Variants in HLTF observed in about 807,000 individuals in gnomAD.
HLTF encodes DNA-dependent ATPase/E3 ubiquitin-protein ligase HLTF.
HLTF carries 127 observed loss-of-function variants against 129.4 expected under a neutral mutation model. The ratio of observed to expected loss-of-function variants is 0.98; its 90% CI spans 0.85 to 1.14. The LOEUF is 1.14. HLTF is among the 50% of genes most tolerant of loss of function. The pLI, the probability that HLTF is intolerant of heterozygous loss-of-function variation, is 0.00. For synonymous variants in HLTF, 332 were observed against 388.8 expected (o/e 0.85, Z 1.72); for missense variants, 1,139 against 1,187.1 (o/e 0.96, Z 0.60).
intron 13 of HLTF, among the ~76,000 whole-genome samples, chr3:149,057,541 T>C (rs1717577618): frequency 6.6e-6 from 1 of 152,200 alleles, no homozygotes; most frequent in Non-Finnish European, 1.5e-5. Context: ...GGGACTTGAG[T>C]ATGCGCACAT....
chr3:149,060,932 A>C (rs1576602473), intron 10 of HLTF, 74 bp from the exon 11 acceptor site: 2 of 995,230 alleles, frequency 2.0e-6, no homozygotes, highest in East Asian at 5.2e-5. Context: ...ATGTTTAATA[A>C]ATGCAATAAA....
chr3:149,064,675 A>T, intron 9 of HLTF, 116 bp downstream of exon 9: 1 of 711,998 alleles, frequency 1.4e-6, no homozygotes, highest in East Asian at 2.6e-5. Context: ...TGTACAGTAC[A>T]AAGCCAAAAC....
rs1715064282 is a variant in HLTF, at chr3:149,031,679, A to T, written c.*541T>A. The T allele has an allele frequency of 6.6e-6, 1 of 152,214 alleles. No individual in the cohort carries two copies. Among genetic ancestry groups the T allele is most frequent in the Non-Finnish European group, 1.5e-5 (1 of 68,014 alleles). The allele number at this position is 152,214 out of a possible 1,614,324, so 9.4% of individuals were successfully genotyped here. On this transcript the variant is annotated 3_prime_UTR_variant, in exon 25 of 25. Coordinates refer to ENST00000310053, the MANE Select transcript of HLTF (RefSeq NM_003071.4). ...ATCTCAATGTAGCTGTAGGAAAAAT[A>T]AAAACCTGTGCTAACCTGGACTTTG...
At chr3:149,076,650 C>T (rs1285028438) in intron 2 of HLTF, among the ~76,000 whole-genome samples, 1 of 152,118 alleles carries the variant, frequency 6.6e-6, no homozygotes, top group Admixed American at 6.5e-5. Flanking sequence ...TATATCCAGC[C>T]TTCAACTCAT....
At chr3:149,056,848 G>A (rs996055177) in intron 13 of HLTF, among the ~76,000 whole-genome samples, 8 of 152,110 alleles carry the variant, frequency 5.3e-5, no homozygotes, top group East Asian at 1.9e-4. Context: ...GGTGGCTCAC[G>A]CCTGTAATCC....
At chr3:149,032,768 C>G (rs1432570491) in intron 24 of HLTF, among the ~76,000 whole-genome samples, 1 of 152,100 alleles carries the variant, frequency 6.6e-6, no homozygotes, top group Non-Finnish European at 1.5e-5. Context: ...CGAGACCATC[C>G]TGGCTAACAC....
At chr3:149,083,178 G>A (rs1216958486) in intron 2 of HLTF, among the ~76,000 whole-genome samples, 1 of 152,078 alleles carries the variant, frequency 6.6e-6, no homozygotes, top group African/African-American at 2.4e-5. Context: ...TTGAACCTGG[G>A]AGGCGGAGGT....
chr3:149,068,614 T>C lies in HLTF; in HGVS notation c.895-279A>G, dbSNP rs558474812. On this transcript the variant is annotated intron_variant, in intron 7 of 24. Coordinates refer to ENST00000310053, the MANE Select transcript of HLTF (RefSeq NM_003071.4). ...GACTGCTATTCTACAATTCTACATT[T>C]AATCCTGAACTCTTGATTTTTATCA... Among the ~76,000 whole-genome samples, 3 of 152,344 alleles carry C rather than the reference T, an allele frequency of 2.0e-5. No individual in the cohort carries two copies. The East Asian group carries it at 5.8e-4, about 29-fold the overall frequency.
intron 4 of HLTF, 144 bp from the exon 5 acceptor site, chr3:149,073,466 G>C (rs1200977743): frequency 1.7e-6 from 1 of 602,948 alleles, no homozygotes; most frequent in Non-Finnish European, 2.9e-6. Flanking sequence ...GGCCAAGGCA[G>C]GTGGTTTGCC....
chr3:149,079,356 A>G (rs1304585451), intron 2 of HLTF, among the ~76,000 whole-genome samples: 1 of 136,622 alleles, frequency 7.3e-6, no homozygotes, highest in African/African-American at 2.6e-5. Context: ...CCTGGGCAAA[A>G]GGGTAACGAC....
chr3:149,059,875 C>CA (rs1294362294), intron 12 of HLTF, 68 bp from the exon 13 acceptor site: 1 of 907,264 alleles, frequency 1.1e-6, no homozygotes, highest in Admixed American at 2.3e-5. Context: ...CAGGTACTTT[C>CA]TAAGGGTAAG....
intron 23 of HLTF, among the ~76,000 whole-genome samples, chr3:149,035,707 C>G (rs1382083892): frequency 9.1e-6 from 1 of 109,620 alleles, no homozygotes; most frequent in Admixed American, 1.0e-4. Context: ...GTCAGTAAGT[C>G]CTAAAAATTA....
At chr3:149,044,060 G>C (rs1348998507) in intron 18 of HLTF, among the ~76,000 whole-genome samples, 2 of 152,076 alleles carry the variant, frequency 1.3e-5, no homozygotes, top group African/African-American at 2.4e-5. Flanking sequence ...AAACCAAAGT[G>C]CCAGAGTTAA....
intron 13 of HLTF, among the ~76,000 whole-genome samples, chr3:149,057,783 T>C (rs1409605468): frequency 6.6e-6 from 1 of 152,222 alleles, no homozygotes; most frequent in African/African-American, 2.4e-5. Context: ...TTTAACCAAT[T>C]CATAGCATCA....
Position 149,046,124 on chromosome 3 carries a change from CTT to C in HLTF, c.2026_2027del (p.Lys676AspfsTer8). ...CTTCATTTTTCACAGACTGATAAAT[CTT>C]TCTCTCTTCATCTGAAAGTGTAATG... ...QHITLSDEER[K>X]IYQSVKNEGR... On this transcript the variant is annotated frameshift_variant, in exon 18 of 25. Transcript: ENST00000310053. LOFTEE classifies it high-confidence loss of function. 2.5e-6 allele frequency: 4 copies of C among 1,611,400 alleles called. No individual in the cohort carries two copies. Among genetic ancestry groups the C allele is most frequent in the Non-Finnish European group, 3.4e-6 (4 of 1,178,704 alleles).
At chr3:149,044,263 A>G (rs1489042579) in intron 18 of HLTF, among the ~76,000 whole-genome samples, 1 of 152,198 alleles carries the variant, frequency 6.6e-6, no homozygotes, top group Middle Eastern at 3.2e-3. Context: ...TATATAGCCT[A>G]TTAAAAAGAA....
Position 149,040,038 on chromosome 3 carries a change from C to T in HLTF, c.2495G>A (p.Ser832Asn), listed in dbSNP as rs554839264. 1 of 1,609,626 alleles carries T rather than the reference C, an allele frequency of 6.2e-7. No homozygotes were observed. Among genetic ancestry groups the T allele is most frequent in the East Asian group, 2.2e-5 (1 of 44,752 alleles). Residue 832 changes from serine (S) to asparagine (N), a missense_variant, in exon 21 of 25, where the codon AGT (serine) becomes AAT (asparagine). Physicochemically the swap from Ser to Asn is conservative, Grantham distance 46. Transcript: ENST00000310053. ...TGCACATGAGTACTTTACCTTTGAA[C>T]TGGATGTCCATTCCATATCAGACTT... ...EKKSDMEWTS[S>N]SKINALMHAL... is the part of the protein sequence containing the mutation.
chr3:149,069,184 G>A (rs913425910), intron 7 of HLTF, among the ~76,000 whole-genome samples: 1 of 152,042 alleles, frequency 6.6e-6, no homozygotes, highest in Non-Finnish European at 1.5e-5. Flanking sequence ...CCTTAAGAAT[G>A]TTCTTGGCTG....
chr3:149,073,919 A>G lies in HLTF; in HGVS notation c.529+296T>C, dbSNP rs375291700. Among the ~76,000 whole-genome samples, 9 of 152,232 alleles carry G rather than the reference A, an allele frequency of 5.9e-5. No homozygotes were observed. The East Asian group carries it at 1.7e-3, about 29-fold the overall frequency. On this transcript the variant is annotated intron_variant, in intron 4 of 24. Coordinates refer to ENST00000310053, the MANE Select transcript of HLTF (RefSeq NM_003071.4). ...AATGTTTAAAGTCAGGGGTTTCCAG[A>G]TGTTACCATTAGGGAAAATTAGGGG...
Sources: gnomAD v4.1 joint callset for allele counts (sites outside exome capture counted in the v4.1 genomes callset) on GRCh38, gnomAD v4.1.1 for gene constraint, MANE v1.5 for transcripts, NCBI Gene and HGNC (gene_info 2026-07-23, HGNC 2026-07-21) for gene names.